The following TRIM66 variants were observed in gnomAD, a reference collection of about 807,000 sequenced individuals.
TRIM66 encodes the protein tripartite motif-containing protein 66.
In TRIM66, 99 loss-of-function variants were observed where a neutral mutation model predicts 148.2. The observed-to-expected ratio is 0.67, with a 90% CI of 0.57 to 0.79. The LOEUF is 0.79. Ranked by LOEUF, TRIM66 falls within the 30% of genes least tolerant of loss-of-function variation. The pLI is 0.00. For missense variants in TRIM66, 1,666 were observed against 1,697.9 expected, an observed-to-expected ratio of 0.98 and a Z score of 0.33; for synonymous variants, 616 against 635.9, an observed-to-expected ratio of 0.97 and a Z score of 0.47.
rs1457263320 is a variant in TRIM66 at position 8,617,759 on chromosome 11, T to G, written c.*185A>C. 6 of 588,078 alleles carry G rather than the reference T, an allele frequency of 1.0e-5. No homozygotes were observed. Among genetic ancestry groups the G allele is most frequent in the Admixed American group, 3.0e-5 (1 of 33,170 alleles). The allele number at this position is 588,078 out of a possible 1,614,324, so 36.4% of individuals were successfully genotyped here. On this transcript the variant is annotated 3_prime_UTR_variant, in exon 25 of 25. Transcript: ENST00000646038. Reference sequence around the variant, plus strand: ...TTTCCTGTTTATTACTGAAATCTTCTCTGTAGTGGATGTACTACGGCTCCC... The same window carrying G: ...TTTCCTGTTTATTACTGAAATCTTCGCTGTAGTGGATGTACTACGGCTCCC...
In TRIM66 at chr11:8,618,101, T is replaced by G. The variant is rs955972112; in HGVS notation, c.4120-98A>C. 1.3e-5 allele frequency: 15 copies of G among 1,153,726 alleles called. No homozygotes were observed. In the African/African-American group the frequency reaches 1.8e-4, roughly 14 times the overall value. The allele number at this position is 1,153,726 out of a possible 1,614,324, so 71.5% of individuals were successfully genotyped here. On this transcript the variant is annotated intron_variant, in intron 24 of 24. Coordinates refer to ENST00000646038, the MANE Select transcript of TRIM66 (RefSeq NM_001388022.1). ...AGATTGCAGTTCTGCCAAGTCAACGTATTTTATTCTACCCTAGGAATGCAG... is the reference window on the plus strand; with the variant it reads ...AGATTGCAGTTCTGCCAAGTCAACGGATTTTATTCTACCCTAGGAATGCAG...
chr11:8,648,019 C>T lies in TRIM66; in HGVS notation c.793G>A (p.Ala265Thr). Residue 265 changes from alanine to threonine, a missense_variant, in exon 10 of 25, where the codon GCA becomes ACA. This residue lies in a region of TRIM66 where 1,431 missense variants were observed against 1,412.4 expected (regional missense o/e 1.01). Transcript: ENST00000646038. Reference protein sequence around the residue: ...MLLEGVTTQVAHKKSSLQTSA... With the variant: ...MLLEGVTTQVTHKKSSLQTSA... ...GTCTGTAGACTGGATTTCTTATGTG[C>T]CACCTGTGTAGTCACACCTTCCAGA... 1.9e-6 allele frequency: 3 copies of T among 1,551,788 alleles called. No individual in the cohort carries two copies. The highest frequency in any genetic ancestry group is 2.6e-6 in the Non-Finnish European group (3 of 1,147,016).
At chr11:8,658,170 G>A (rs1003225994) in intron 6 of TRIM66, among the ~76,000 whole-genome samples, 3 of 152,244 alleles carry the variant, frequency 2.0e-5, no homozygotes, top group African/African-American at 7.2e-5. Context: ...ACTCCTGCAA[G>A]AAAGAGCTTG....
At chr11:8,657,459 G>C (rs2037926204) in intron 6 of TRIM66, among the ~76,000 whole-genome samples, 1 of 151,982 alleles carries the variant, frequency 6.6e-6, no homozygotes. Context: ...ATGATGACAT[G>C]GAGGCCCTGG....
intron 11 of TRIM66, among the ~76,000 whole-genome samples, 173 bp from the exon 12 acceptor site, chr11:8,646,060 G>A (rs1310979982): frequency 1.3e-5 from 2 of 152,170 alleles, no homozygotes; most frequent in East Asian, 3.8e-4. Context: ...AAAAGGGGAG[G>A]GGGAGATGGT....
At chr11:8,669,564 A>G (rs1373454986) in intron 6 of TRIM66, among the ~76,000 whole-genome samples, 1 of 150,736 alleles carries the variant, frequency 6.6e-6, no homozygotes, top group Non-Finnish European at 1.5e-5. Context: ...AATCACTTGA[A>G]CCCAGGAGGC....
At chr11:8,678,505 G>A (rs2039282651) in intron 3 of TRIM66, among the ~76,000 whole-genome samples, 1 of 152,114 alleles carries the variant, frequency 6.6e-6, no homozygotes, top group South Asian at 2.1e-4. Flanking sequence ...GGCATCACAG[G>A]GTGGAATGAT....
At position 8,648,062 on chromosome 11, in the gene TRIM66, C is replaced by T; in HGVS notation, c.750G>A (p.Leu250=). ...EHRCRHVEEV[L]QNQRMLLEGV... is the part of the protein sequence containing the mutation. ...CTTCCAGAAGCATCCTCTGGTTTTG[C>T]AAAACTTCTTCAACATGTCTGCACC... Residue 250 remains leucine, a synonymous_variant, in exon 10 of 25, where the codon TTG becomes TTA. Transcript: ENST00000646038. The T allele has an allele frequency of 6.4e-7, 1 of 1,551,706 alleles. No individual in the cohort carries two copies. The highest frequency in any genetic ancestry group is 1.2e-5 in the South Asian group (1 of 84,064).
intron 6 of TRIM66, among the ~76,000 whole-genome samples, chr11:8,659,867 T>C (rs1013552860): frequency 1.3e-5 from 2 of 152,104 alleles, no homozygotes; most frequent in Admixed American, 6.6e-5. Flanking sequence ...AATTTGTTTT[T>C]TTCTTGTTTG....
intron 6 of TRIM66, among the ~76,000 whole-genome samples, chr11:8,669,258 G>C (rs1053385907): frequency 5.9e-5 from 9 of 152,114 alleles, no homozygotes; most frequent in African/African-American, 2.2e-4. Context: ...GAAGAATTAC[G>C]GTAAAGTCAC....
chr11:8,635,167 C>G (rs989136534), intron 15 of TRIM66, among the ~76,000 whole-genome samples: 1 of 152,170 alleles, frequency 6.6e-6, no homozygotes, highest in Non-Finnish European at 1.5e-5. Flanking sequence ...ACAGAGCTGT[C>G]AAGGACCCGT....
upstream of TRIM66, chr11:8,682,910 C>A: frequency 2.1e-6 from 3 of 1,453,334 alleles, no homozygotes; most frequent in Non-Finnish European, 1.9e-6. Context: ...CTACCATGGT[C>A]GGGGCTTCCA....
intron 6 of TRIM66, among the ~76,000 whole-genome samples, chr11:8,666,797 A>G (rs919139561): frequency 6.6e-6 from 1 of 152,220 alleles, no homozygotes; most frequent in Non-Finnish European, 1.5e-5. Flanking sequence ...AACAAATACT[A>G]TGATTCAGGT....
chr11:8,631,349 T>A (rs2035377862), intron 15 of TRIM66, among the ~76,000 whole-genome samples: 1 of 152,218 alleles, frequency 6.6e-6, no homozygotes, highest in Non-Finnish European at 1.5e-5. Context: ...GCAGATAGGG[T>A]GGTGTTCCAC....
At position 8,640,689 on chromosome 11, in the gene TRIM66, C is replaced by T. The variant is rs1236514558; in HGVS notation, c.1686G>A (p.Gln562=). 1 of 1,551,608 alleles carries T rather than the reference C, an allele frequency of 6.4e-7. No individual in the cohort carries two copies. Among genetic ancestry groups the T allele is most frequent in the South Asian group, 1.2e-5 (1 of 84,056 alleles). The stretch of plus-strand genomic sequence containing the variant: ...GGGCATGGGCTCCTTGCTGAACATC[C>T]TGTGGGGGGACAATGCACACGGGCT... ...TSQPVCIVPP[Q]DVQQGAHAQP... The change falls in exon 14 of 25, where the codon CAG becomes CAA. Residue 562 remains glutamine, a synonymous_variant. Transcript: ENST00000646038.
intron 6 of TRIM66, among the ~76,000 whole-genome samples, chr11:8,653,037 G>GTCC (rs2037501418): frequency 6.6e-6 from 1 of 152,124 alleles, no homozygotes; most frequent in African/African-American, 2.4e-5. Context: ...AAATCACATG[G>GTCC]TCCTCCATGA....
chr11:8,662,078 A>C lies in TRIM66; in HGVS notation c.340+9708T>G, dbSNP rs140206101. Among the ~76,000 whole-genome samples the C allele has an allele frequency of 1.2e-3, 185 of 152,296 alleles. 1 individual carries two copies. The highest frequency in any genetic ancestry group is 2.2e-3 in the Non-Finnish European group (151 of 68,022). ...CGAGGAAACTGTTCGTGAACTAAAA[A>C]GCCACTCCACTGACAGGGCTCCAGG... On this transcript the variant is annotated intron_variant, in intron 6 of 24. Transcript: ENST00000646038.
In TRIM66 at chr11:8,617,662, C is replaced by G. The variant is rs1404825682; in HGVS notation, c.*282G>C. 7 of 404,206 alleles carry G rather than the reference C, an allele frequency of 1.7e-5. No individual in the cohort carries two copies. Among genetic ancestry groups the G allele is most frequent in the Non-Finnish European group, 3.1e-5 (7 of 228,196 alleles). 25.0% of individuals were successfully genotyped at this position (404,206 alleles called of 1,614,324 possible). On this transcript the variant is annotated 3_prime_UTR_variant, in exon 25 of 25. Transcript: ENST00000646038. ...ACCAAGGAAAGTAGGTTTTCCCGAG[C>G]CTAACCAGGTGTGGTCTTGTCAAGT... is the stretch of plus-strand genomic sequence containing the variant.
chr11:8,678,418 A>G (rs948653740), intron 3 of TRIM66, among the ~76,000 whole-genome samples: 55 of 152,372 alleles, frequency 3.6e-4, no homozygotes, highest in African/African-American at 1.3e-3. Flanking sequence ...GGATTTGTAT[A>G]CTATGATCAC....
Sources: allele counts gnomAD v4.1 joint callset (sites outside exome capture counted in the v4.1 genomes callset), GRCh38; gene constraint gnomAD v4.1.1; regional missense constraint gnomAD v4.1.1; transcripts MANE v1.5; gene names NCBI Gene and HGNC (gene_info 2026-07-23, HGNC 2026-07-21).